DCDC1: variants seen among roughly 807,000 people sequenced by gnomAD.
DCDC1 encodes the protein doublecortin domain containing 1, also known as doublecortin domain-containing protein 1.
A neutral mutation model predicts 178.3 loss-of-function variants in DCDC1; 200 were observed. The ratio of observed to expected loss-of-function variants is 1.12; its 90% CI spans 1.00 to 1.26. DCDC1 has a LOEUF of 1.26. DCDC1 is among the 50% of genes most tolerant of loss of function. DCDC1 has a pLI of 0.00. For missense variants in DCDC1, 1,983 were observed against 1,749.2 expected (o/e 1.13, Z -2.38); for synonymous variants, 690 against 604.8 (o/e 1.14, Z -2.07).
At chr11:30,938,570 T>G (rs1349380678) in intron 21 of DCDC1, among the ~76,000 whole-genome samples, 4 of 152,036 alleles carry the variant, frequency 2.6e-5, no homozygotes, top group African/African-American at 9.7e-5. Context: ...AGGGGGAACA[T>G]GGGGGCTAAT....
chr11:31,253,110 G>C (rs1463287710), intron 8 of DCDC1, among the ~76,000 whole-genome samples: 1 of 152,144 alleles, frequency 6.6e-6, no homozygotes, highest in Non-Finnish European at 1.5e-5. Flanking sequence ...AGTGGTCAGT[G>C]AATCATTAAG....
rs569361110 is a variant in DCDC1 at position 31,327,272 on chromosome 11, G to A, written c.164+845C>T. On this transcript the variant is annotated intron_variant, in intron 3 of 38. Coordinates refer to ENST00000684477, the MANE Select transcript of DCDC1 (RefSeq NM_001387274.1). Reference sequence around the variant, plus strand: ...CAACCTCCAGCTCCCGGGTTCAAGCGATTCTCCTGCCTCAGCCTCCCGAGT... The same window carrying A: ...CAACCTCCAGCTCCCGGGTTCAAGCAATTCTCCTGCCTCAGCCTCCCGAGT... Among the ~76,000 whole-genome samples the A allele has an allele frequency of 7.9e-5, 12 of 152,138 alleles. No individual in the cohort carries two copies. In the South Asian group the frequency reaches 2.1e-3, roughly 26 times the overall value.
intron 9 of DCDC1, among the ~76,000 whole-genome samples, chr11:31,231,455 C>CT (rs903449783): frequency 1.3e-5 from 2 of 152,074 alleles, no homozygotes; most frequent in African/African-American, 4.8e-5. Flanking sequence ...AAGAGGTGTG[C>CT]TTTGCCTTTT....
At chr11:31,103,420 C>T (rs1425893939) in intron 14 of DCDC1, among the ~76,000 whole-genome samples, 15 of 152,144 alleles carry the variant, frequency 9.9e-5, no homozygotes, top group Admixed American at 7.2e-4. Context: ...AACTATACTT[C>T]GCTCATGGCC....
chr11:30,998,010 G>T (rs1951363633), intron 20 of DCDC1, among the ~76,000 whole-genome samples: 1 of 152,072 alleles, frequency 6.6e-6, no homozygotes, highest in Non-Finnish European at 1.5e-5. Context: ...GAAAGGGGGT[G>T]GGGGCAGGCA....
intron 7 of DCDC1, among the ~76,000 whole-genome samples, chr11:31,289,389 C>A (rs1398924451): frequency 6.6e-6 from 1 of 151,950 alleles, no homozygotes; most frequent in Non-Finnish European, 1.5e-5. Context: ...TGTGTAATAT[C>A]CCTTAATATC....
At position 31,270,545 on chromosome 11, in the gene DCDC1, T is replaced by C. The variant is rs182670975; in HGVS notation, c.961-4945A>G. 2.2e-4 allele frequency among the ~76,000 whole-genome samples: 33 copies of C among 152,314 alleles called. No individual in the cohort carries two copies. In the East Asian group the frequency reaches 3.3e-3, roughly 15 times the overall value. On this transcript the variant is annotated intron_variant, in intron 7 of 38. Transcript: ENST00000684477. Reference sequence around the variant, plus strand: ...TCTTCCATTGTGTACTCTGAAAACATCTCCCCTGATCAACAAATTTGACTA... The same window carrying C: ...TCTTCCATTGTGTACTCTGAAAACACCTCCCCTGATCAACAAATTTGACTA...
chr11:31,261,216 A>G (rs1468236065), intron 8 of DCDC1, among the ~76,000 whole-genome samples: 2 of 152,142 alleles, frequency 1.3e-5, no homozygotes, highest in African/African-American at 4.8e-5. Context: ...TGCAGCTTTA[A>G]TATCTTCTAA....
intron 7 of DCDC1, among the ~76,000 whole-genome samples, chr11:31,272,067 C>T (rs545548076): frequency 4.1e-4 from 62 of 150,018 alleles, no homozygotes; most frequent in African/African-American, 5.9e-4. Flanking sequence ...GAGGCTGAGG[C>T]GGGAGAATCA....
chr11:31,247,919 A>C (rs550138396), intron 8 of DCDC1, among the ~76,000 whole-genome samples: 8 of 152,122 alleles, frequency 5.3e-5, no homozygotes, highest in African/African-American at 1.2e-4. Context: ...GTAATGTAAA[A>C]TAATTGGTTT....
At chr11:31,162,045 A>G (rs1966356618) in intron 9 of DCDC1, among the ~76,000 whole-genome samples, 1 of 152,172 alleles carries the variant, frequency 6.6e-6, no homozygotes, top group Non-Finnish European at 1.5e-5. Context: ...ACAAAAACTT[A>G]TTTTCTAAAA....
intron 9 of DCDC1, among the ~76,000 whole-genome samples, chr11:31,236,471 T>C (rs1372304231): frequency 6.6e-6 from 1 of 152,016 alleles, no homozygotes; most frequent in African/African-American, 2.4e-5. Context: ...TTTTAAAAAG[T>C]GACAACTACA....
At chr11:31,230,361 A>G (rs1004956288) in intron 9 of DCDC1, among the ~76,000 whole-genome samples, 1 of 151,984 alleles carries the variant, frequency 6.6e-6, no homozygotes, top group African/African-American at 2.4e-5. Flanking sequence ...GGCCAAAAAG[A>G]AAAAAATAGA....
At chr11:31,219,497 G>C (rs1391941213) in intron 9 of DCDC1, among the ~76,000 whole-genome samples, 1 of 152,076 alleles carries the variant, frequency 6.6e-6, no homozygotes, top group Non-Finnish European at 1.5e-5. Context: ...CTTACTGTAA[G>C]ACAGAAAATG....
intron 7 of DCDC1, among the ~76,000 whole-genome samples, chr11:31,273,332 C>T (rs1945724608): frequency 6.6e-6 from 1 of 152,138 alleles, no homozygotes; most frequent in Non-Finnish European, 1.5e-5. Context: ...TTAACGGTAC[C>T]CAAGTCACAT....
chr11:31,102,621 T>C (rs1958585606), intron 14 of DCDC1, among the ~76,000 whole-genome samples: 2 of 152,224 alleles, frequency 1.3e-5, no homozygotes, highest in East Asian at 1.9e-4. Flanking sequence ...TGTTAAATTA[T>C]AAGGTTGTTA....
At chr11:31,106,525 G>T (rs1410509739) in intron 13 of DCDC1, among the ~76,000 whole-genome samples, 1 of 152,180 alleles carries the variant, frequency 6.6e-6, no homozygotes, top group Non-Finnish European at 1.5e-5. Flanking sequence ...TGACTACTCA[G>T]ACATGAACAA....
At chr11:31,129,911 C>T (rs1962203422) in intron 10 of DCDC1, among the ~76,000 whole-genome samples, 1 of 152,118 alleles carries the variant, frequency 6.6e-6, no homozygotes, top group African/African-American at 2.4e-5. Flanking sequence ...GCTCATATTC[C>T]CATCAGACCC....
chr11:31,260,035 A>T (rs1944677889), intron 8 of DCDC1, among the ~76,000 whole-genome samples: 1 of 152,158 alleles, frequency 6.6e-6, no homozygotes, highest in Admixed American at 6.5e-5. Flanking sequence ...AGGCATATGA[A>T]AATGTTGGTG....
Sources: allele counts gnomAD v4.1 joint callset (sites outside exome capture counted in the v4.1 genomes callset), GRCh38; gene constraint gnomAD v4.1.1; transcripts MANE v1.5; gene names NCBI Gene and HGNC (gene_info 2026-07-23, HGNC 2026-07-21).